Variants in PTH2R observed in about 807,000 individuals in gnomAD.
The protein encoded by PTH2R is PTH2 receptor.
In PTH2R, 59 loss-of-function variants were observed where a neutral mutation model predicts 60.3. That is an observed-to-expected ratio of 0.98 (90% confidence interval 0.79 to 1.22). The LOEUF (loss-of-function observed/expected upper bound fraction) is 1.22, where lower values mean the gene tolerates loss of function less well. Ranked by LOEUF, PTH2R falls within the 50% of genes most tolerant of loss-of-function variation. The pLI, the probability that PTH2R is intolerant of heterozygous loss-of-function variation, is 0.00. For missense variants in PTH2R, 749 were observed against 682.6 expected (o/e 1.10, Z -1.08); for synonymous variants, 256 against 243.8 (o/e 1.05, Z -0.47).
chr2:208,475,996 A>T (rs538512775), intron 9 of PTH2R, among the ~76,000 whole-genome samples: 2 of 152,180 alleles, frequency 1.3e-5, no homozygotes, highest in African/African-American at 4.8e-5. Context: ...ACTGAGCTAA[A>T]TTTTTTTTAA....
At chr2:208,455,994 T>G (rs1702504700) in intron 8 of PTH2R, among the ~76,000 whole-genome samples, 1 of 152,166 alleles carries the variant, frequency 6.6e-6, no homozygotes, top group African/African-American at 2.4e-5. Flanking sequence ...ATCCCAGTGC[T>G]TTGGGAGGCC....
intron 2 of PTH2R, among the ~76,000 whole-genome samples, chr2:208,437,236 A>G (rs1027035814): frequency 6.6e-6 from 1 of 152,224 alleles, no homozygotes; most frequent in Non-Finnish European, 1.5e-5. Context: ...GTGGTTCACA[A>G]TGATTTCCAA....
intron 10 of PTH2R, among the ~76,000 whole-genome samples, chr2:208,485,902 G>T (rs1052972933): frequency 6.6e-6 from 1 of 152,178 alleles, no homozygotes; most frequent in African/African-American, 2.4e-5. Context: ...AGCTTGGAGC[G>T]AGATTCTCCT....
chr2:208,437,788 T>A lies in PTH2R; in HGVS notation c.318T>A (p.Asn106Lys), dbSNP rs1702105570. ...TTGCTTTCCGACACTGTAACCCCAATGGAACATGGGATTTTATGCACAGCT... is the reference window on the plus strand; with the variant it reads ...TTGCTTTCCGACACTGTAACCCCAAAGGAACATGGGATTTTATGCACAGCT... ...KGVAFRHCNP[N>K]GTWDFMHSLN... Residue 106 changes from asparagine to lysine, a missense_variant, in exon 4 of 13, where the codon AAT becomes AAA. Physicochemically the swap from Asn to Lys is moderately conservative, Grantham distance 94. Transcript: ENST00000272847. 1.2e-6 allele frequency: 2 copies of A among 1,613,704 alleles called. No individual in the cohort carries two copies. Among genetic ancestry groups the A allele is most frequent in the African/African-American group, 2.7e-5 (2 of 74,930 alleles).
At chr2:208,450,920 TG>T in intron 8 of PTH2R, 111 bp downstream of exon 8, 1 of 1,206,924 alleles carries the variant, frequency 8.3e-7, no homozygotes, top group Non-Finnish European at 1.2e-6. Flanking sequence ...TTTTTAGGGA[TG>T]CCACAAGGAA....
At chr2:208,396,837 C>T (rs1356826279) in intron 1 of PTH2R, among the ~76,000 whole-genome samples, 1 of 152,136 alleles carries the variant, frequency 6.6e-6, no homozygotes, top group East Asian at 1.9e-4. Context: ...AATCATGCTA[C>T]TATAATGACA....
intron 9 of PTH2R, among the ~76,000 whole-genome samples, chr2:208,473,356 T>G (rs994020613): frequency 6.6e-6 from 1 of 152,220 alleles, no homozygotes; most frequent in Non-Finnish European, 1.5e-5. Flanking sequence ...TTTTAATAAT[T>G]TAATGAAAGT....
chr2:208,437,927 A>G, intron 4 of PTH2R, 46 bp downstream of exon 4: 1 of 1,585,746 alleles, frequency 6.3e-7, no homozygotes, highest in Non-Finnish European at 8.6e-7. Flanking sequence ...AAAGCAGAAT[A>G]ATATTTTAAT....
At chr2:208,363,425 A>G (rs1700516998) in intron 1 of PTH2R, among the ~76,000 whole-genome samples, 1 of 152,184 alleles carries the variant, frequency 6.6e-6, no homozygotes, top group Non-Finnish European at 1.5e-5. Context: ...GCTGATGGGC[A>G]TCTAGGTTGA....
chr2:208,422,255 C>T (rs557351583), intron 1 of PTH2R, among the ~76,000 whole-genome samples: 63 of 152,262 alleles, frequency 4.1e-4, no homozygotes, highest in African/African-American at 1.4e-3. Flanking sequence ...GGAGGGCAAT[C>T]GGCTTTGCTG....
At chr2:208,454,445 C>G (rs546089426) in intron 8 of PTH2R, among the ~76,000 whole-genome samples, 1 of 152,142 alleles carries the variant, frequency 6.6e-6, no homozygotes, top group African/African-American at 2.4e-5. Flanking sequence ...GAGAGGCTGG[C>G]TCTCCCTCTC....
At chr2:208,417,191 A>G (rs1701656866) in intron 1 of PTH2R, among the ~76,000 whole-genome samples, 1 of 152,148 alleles carries the variant, frequency 6.6e-6, no homozygotes, top group South Asian at 2.1e-4. Flanking sequence ...AAATTTGTTA[A>G]AGCTGCCAAA....
At chr2:208,422,413 A>G (rs1701774954) in intron 1 of PTH2R, among the ~76,000 whole-genome samples, 1 of 152,206 alleles carries the variant, frequency 6.6e-6, no homozygotes, top group African/African-American at 2.4e-5. Context: ...TTTTTAAAAA[A>G]CATATCCTTG....
intron 2 of PTH2R, among the ~76,000 whole-genome samples, chr2:208,436,554 A>T (rs559917939): frequency 4.8e-4 from 73 of 152,242 alleles, no homozygotes; most frequent in African/African-American, 1.7e-3. Flanking sequence ...GAAGCCTAGG[A>T]GTCATTGGGA....
chr2:208,484,985 G>T (rs987989175), intron 10 of PTH2R, among the ~76,000 whole-genome samples: 1 of 152,044 alleles, frequency 6.6e-6, no homozygotes, highest in East Asian at 1.9e-4. Context: ...GGTGGGGATG[G>T]GTAGAGACAG....
intron 9 of PTH2R, among the ~76,000 whole-genome samples, chr2:208,474,856 T>G (rs898552099): frequency 5.3e-5 from 8 of 152,216 alleles, no homozygotes; most frequent in African/African-American, 1.9e-4. Flanking sequence ...AAGTGCATAG[T>G]CCTGTTTGAT....
intron 8 of PTH2R, 52 bp downstream of exon 8, chr2:208,450,861 AG>A (rs748946033): frequency 1.9e-6 from 3 of 1,570,702 alleles, no homozygotes; most frequent in South Asian, 2.2e-5. Flanking sequence ...CTCAAGACTC[AG>A]GCTTCCTGCT....
chr2:208,444,879 T>C lies in PTH2R; in HGVS notation c.845T>C (p.Ile282Thr). The change falls in exon 7 of 13, where the codon ATA (isoleucine) becomes ACA (threonine). Residue 282 changes from isoleucine (I) to threonine (T), a missense_variant. Coordinates refer to ENST00000272847, the MANE Select transcript of PTH2R (RefSeq NM_005048.4). ...DTKYLWGFILIGWGFPAAFVA... is the reference protein window; with the variant it reads ...DTKYLWGFILTGWGFPAAFVA... ...AAATACCTGTGGGGCTTCATCTTGA[T>C]AGGCTGGGGTAAGACATTTATATCT... 2 of 1,612,966 alleles carry C rather than the reference T, an allele frequency of 1.2e-6. No individual in the cohort carries two copies. Among genetic ancestry groups the C allele is most frequent in the Non-Finnish European group, 1.7e-6 (2 of 1,179,390 alleles).
At chr2:208,467,302 T>C (rs2105893968) in intron 9 of PTH2R, among the ~76,000 whole-genome samples, 1 of 152,262 alleles carries the variant, frequency 6.6e-6, no homozygotes, top group South Asian at 2.1e-4. Flanking sequence ...CTTTCTACTA[T>C]TGGGGAAATA....
Sources: gnomAD v4.1 joint callset for allele counts (sites outside exome capture counted in the v4.1 genomes callset) on GRCh38, gnomAD v4.1.1 for gene constraint, MANE v1.5 for transcripts, NCBI Gene and HGNC (gene_info 2026-07-23, HGNC 2026-07-21) for gene names.